Variants in PHF24 observed in about 807,000 individuals in gnomAD.
PHF24 encodes Galpha inhibitory interacting protein.
A neutral mutation model predicts 42.6 loss-of-function variants in PHF24; 25 were observed. That is an observed-to-expected ratio of 0.59 (90% CI 0.43 to 0.82). PHF24 has a LOEUF of 0.82. Ranked by LOEUF, PHF24 falls within the 40% of genes least tolerant of loss-of-function variation. The probability of loss-of-function intolerance (pLI) is 0.00; values close to 1 mark genes in which losing one functional copy is unlikely to be tolerated. For synonymous variants in PHF24, 185 were observed against 204.8 expected, an observed-to-expected ratio of 0.90 and a Z score of 0.83; for missense variants, 470 against 538.1, an observed-to-expected ratio of 0.87 and a Z score of 1.25.
chr9:34,765,693 C>T, the PHF24 span, among the ~76,000 whole-genome samples: 1 of 151,286 alleles, frequency 6.6e-6, no homozygotes, highest in Non-Finnish European at 1.5e-5. Context: ...GCATTTAGCC[C>T]ATTTACATTT....
intron 1 of PHF24, among the ~76,000 whole-genome samples, chr9:34,960,657 C>G (rs1826558872): frequency 6.6e-6 from 1 of 152,134 alleles, no homozygotes; most frequent in Non-Finnish European, 1.5e-5. Flanking sequence ...GTTGAGGGTG[C>G]TTATTATCAC....
At chr9:34,689,749 G>T in the PHF24 span, 3 of 1,584,096 alleles carry the variant, frequency 1.9e-6, no homozygotes, top group African/African-American at 4.0e-5. This position sits in a 1 kb window ranked among gnomAD's most constrained non-coding sequence, Gnocchi z 4.1. Context: ...TCTGGTCCTC[G>T]GTTCCCCAGG....
the PHF24 span, among the ~76,000 whole-genome samples, chr9:34,809,543 G>A: frequency 6.6e-6 from 1 of 152,216 alleles, no homozygotes; most frequent in Admixed American, 6.5e-5. The surrounding 1 kb of genome is among the most constrained non-coding windows in gnomAD (Gnocchi z 4.1). Flanking sequence ...CACAGTCAGA[G>A]TTGGGTCATT....
chr9:34,949,342 G>A, the PHF24 span, among the ~76,000 whole-genome samples: 3 of 152,010 alleles, frequency 2.0e-5, no homozygotes, highest in Admixed American at 6.5e-5. Context: ...AAAAAGTCTG[G>A]AAACAACAGA....
At chr9:34,859,487 T>A in the PHF24 span, among the ~76,000 whole-genome samples, 35 of 152,320 alleles carry the variant, frequency 2.3e-4, no homozygotes, top group African/African-American at 8.2e-4. Context: ...TTTTCTCTTT[T>A]GGACATTTGC....
chr9:34,821,878 G>C, the PHF24 span, among the ~76,000 whole-genome samples: 1 of 152,006 alleles, frequency 6.6e-6, no homozygotes, highest in African/African-American at 2.4e-5. Flanking sequence ...TTCTTAACCA[G>C]CTCTCATACT....
At chr9:34,829,797 A>G in the PHF24 span, among the ~76,000 whole-genome samples, 3 of 152,228 alleles carry the variant, frequency 2.0e-5, no homozygotes, top group South Asian at 4.1e-4. Flanking sequence ...AAAGGGGGCT[A>G]ACTTGAGAGT....
At chr9:34,698,100 A>G in the PHF24 span, among the ~76,000 whole-genome samples, 2 of 152,308 alleles carry the variant, frequency 1.3e-5, no homozygotes, top group East Asian at 3.9e-4. Flanking sequence ...TACTCGACCC[A>G]TACAAGTGGA....
At chr9:34,812,583 A>C in the PHF24 span, among the ~76,000 whole-genome samples, 11 of 152,188 alleles carry the variant, frequency 7.2e-5, no homozygotes, top group African/African-American at 2.4e-4. Flanking sequence ...CCAACTCACC[A>C]TTCAGGTTCT....
At chr9:34,798,725 A>T in the PHF24 span, among the ~76,000 whole-genome samples, 1 of 152,222 alleles carries the variant, frequency 6.6e-6, no homozygotes, top group Non-Finnish European at 1.5e-5. Flanking sequence ...CTATGGGTAT[A>T]TACCCAGTAA....
chr9:34,948,994 A>G, the PHF24 span, among the ~76,000 whole-genome samples: 2 of 152,228 alleles, frequency 1.3e-5, no homozygotes, highest in African/African-American at 2.4e-5. Flanking sequence ...TAGCATCACA[A>G]TCCAAAGGTA....
At chr9:34,689,573 G>A in the PHF24 span, 1 of 526,232 alleles carries the variant, frequency 1.9e-6, no homozygotes, top group South Asian at 2.9e-5. This position sits in a 1 kb window ranked among gnomAD's most constrained non-coding sequence, Gnocchi z 4.1. Flanking sequence ...TGATCAATTA[G>A]TTGTAAACAC....
At chr9:34,875,944 ACACACACTCTCT>A in the PHF24 span, among the ~76,000 whole-genome samples, 4 of 85,588 alleles carry the variant, frequency 4.7e-5, no homozygotes, top group African/African-American at 2.1e-4. Flanking sequence ...ACACACACAC[ACACACACTCTCT>A]CTCTCTCTCT....
chr9:34,862,716 A>G, the PHF24 span, among the ~76,000 whole-genome samples: 1 of 151,876 alleles, frequency 6.6e-6, no homozygotes, highest in East Asian at 2.0e-4. Flanking sequence ...GCGAATTCCC[A>G]GGTGTGGTGG....
chr9:34,971,521 G>A lies in PHF24; in HGVS notation c.223G>A (p.Gly75Ser), dbSNP rs996494462. The A allele has an allele frequency of 1.8e-5, 29 of 1,614,046 alleles. No homozygotes were observed. The highest frequency in any genetic ancestry group is 2.2e-5 in the East Asian group (1 of 44,902). Residue 75 changes from glycine to serine, a missense_variant, in exon 2 of 8, where the codon GGC (glycine) becomes AGC (serine). By Grantham distance (56) the Gly-to-Ser change is moderately conservative (BLOSUM62 0). Coordinates refer to ENST00000242315, the Ensembl canonical transcript of PHF24. Reference sequence around the variant, plus strand: ...GGTGGTCCAGGAAGAGAGTAGTGCCGGCCGCGCAGCCTGGGAGCGGCTCCG... The same window carrying A: ...GGTGGTCCAGGAAGAGAGTAGTGCCAGCCGCGCAGCCTGGGAGCGGCTCCG...
chr9:34,810,439 C>T, the PHF24 span, among the ~76,000 whole-genome samples: 1 of 152,168 alleles, frequency 6.6e-6, no homozygotes, highest in African/African-American at 2.4e-5. Flanking sequence ...GGCACTGGCC[C>T]TTAGGGAGCC....
the PHF24 span, among the ~76,000 whole-genome samples, chr9:34,674,937 G>A: frequency 6.6e-6 from 1 of 152,116 alleles, no homozygotes; most frequent in Non-Finnish European, 1.5e-5. Flanking sequence ...CGTGATCTCG[G>A]CTCACTGTAA....
the PHF24 span, among the ~76,000 whole-genome samples, chr9:34,936,332 A>G: frequency 6.6e-6 from 1 of 152,172 alleles, no homozygotes; most frequent in Non-Finnish European, 1.5e-5. Context: ...CGGCCTCCGG[A>G]GGTGCCGGGA....
chr9:34,680,711 A>T, the PHF24 span, among the ~76,000 whole-genome samples: 11,686 of 58,066 alleles, frequency 0.2, 540 homozygotes, highest in South Asian at 0.28. Flanking sequence ...AATAAATAAA[A>T]AAAAAAATAA....
Sources: allele counts gnomAD v4.1 joint callset (sites outside exome capture counted in the v4.1 genomes callset), GRCh38; gene constraint gnomAD v4.1.1; non-coding constraint Gnocchi (gnomAD v3.1); transcripts MANE v1.5; gene names NCBI Gene and HGNC (gene_info 2026-07-23, HGNC 2026-07-21).